CTNNA3: variants seen among roughly 807,000 people sequenced by gnomAD.
CTNNA3 encodes the protein catenin alpha 3.
Under a neutral mutation model 95.7 loss-of-function variants are expected in CTNNA3, and 76 were observed. The observed-to-expected ratio is 0.79, with a 90% CI of 0.66 to 0.96. The LOEUF (loss-of-function observed/expected upper bound fraction) is 0.96. Ranked by LOEUF, CTNNA3 falls within the 40% of genes least tolerant of loss-of-function variation. The pLI is 0.00. For synonymous variants in CTNNA3, 431 were observed against 374.4 expected (o/e 1.15, Z -1.74); for missense variants, 1,191 against 1,089.8 (o/e 1.09, Z -1.31).
chr10:67,431,193 A>G (rs1341309096), intron 5 of CTNNA3, among the ~76,000 whole-genome samples: 1 of 151,994 alleles, frequency 6.6e-6, no homozygotes, highest in Non-Finnish European at 1.5e-5. Context: ...GATGTCAGCA[A>G]CTGAAGGAAC....
In CTNNA3 at chr10:66,199,780, TATATATATATATATATATATA is replaced by T. The variant is rs1564755712; in HGVS notation, c.1884+80669_1884+80689del. On this transcript the variant is annotated intron_variant, in intron 13 of 17. Coordinates refer to ENST00000433211, the MANE Select transcript of CTNNA3 (RefSeq NM_013266.4). ...CCACGCCTGGCTATATATATATATA[TATATATATATATATATATATA>T]TATATTTTTTTTTTTTTTTTTTTTT... Among the ~76,000 whole-genome samples the T allele has an allele frequency of 3.8e-4, 4 of 10,612 alleles. 1 individual carries two copies. The highest frequency in any genetic ancestry group is 4.3e-4 in the Non-Finnish European group (2 of 4,644). The allele number at this position is 10,612 out of a possible 152,430, so 7.0% of individuals were successfully genotyped here.
intron 10 of CTNNA3, among the ~76,000 whole-genome samples, chr10:66,533,955 A>C (rs988723560): frequency 2.0e-5 from 3 of 152,132 alleles, no homozygotes; most frequent in Non-Finnish European, 4.4e-5. Flanking sequence ...TATTTTATTT[A>C]TAACTCTGCA....
chr10:66,778,208 T>C (rs1840390142), intron 7 of CTNNA3, among the ~76,000 whole-genome samples: 2 of 152,196 alleles, frequency 1.3e-5, no homozygotes, highest in African/African-American at 4.8e-5. Context: ...CGGCTTTTTA[T>C]TGGATCCTTG....
chr10:67,531,629 T>C (rs916793212), intron 4 of CTNNA3, among the ~76,000 whole-genome samples: 5 of 152,180 alleles, frequency 3.3e-5, no homozygotes, highest in African/African-American at 9.7e-5. Flanking sequence ...TTAGATGAGA[T>C]GTTGAACTGT....
intron 1 of CTNNA3, among the ~76,000 whole-genome samples, chr10:67,711,538 G>C (rs1841108513): frequency 6.6e-6 from 1 of 152,044 alleles, no homozygotes; most frequent in Admixed American, 6.6e-5. Flanking sequence ...TTGAACTTGA[G>C]AGAGATGATT....
chr10:67,219,844 A>C lies in CTNNA3; in HGVS notation c.606T>G (p.Asp202Glu). The C allele has an allele frequency of 6.2e-7, 1 of 1,612,518 alleles. No homozygotes were observed. Among genetic ancestry groups the C allele is most frequent in the South Asian group, 1.1e-5 (1 of 90,808 alleles). The change falls in exon 6 of 18, where the codon GAT becomes GAG. Residue 202 changes from aspartate (D) to glutamate (E), a missense_variant. Coordinates refer to ENST00000433211, the MANE Select transcript of CTNNA3 (RefSeq NM_013266.4). ...GTGAAGCTCGGGCTCCTGCAATTTCATCTCTCTGATTTGGAGATTTTAAGT... is the reference window on the plus strand; with the variant it reads ...GTGAAGCTCGGGCTCCTGCAATTTCCTCTCTCTGATTTGGAGATTTTAAGT... ...QQDLKSPNQR[D>E]EIAGARASLK...
At chr10:66,910,126 T>A (rs1211448587) in intron 7 of CTNNA3, among the ~76,000 whole-genome samples, 1 of 152,100 alleles carries the variant, frequency 6.6e-6, no homozygotes, top group Non-Finnish European at 1.5e-5. Flanking sequence ...TTTCACCAGA[T>A]AAAAACTAAA....
intron 12 of CTNNA3, among the ~76,000 whole-genome samples, chr10:66,307,530 T>C (rs1246804165): frequency 6.6e-6 from 1 of 152,200 alleles, no homozygotes; most frequent in Non-Finnish European, 1.5e-5. Context: ...CTTCTAATTA[T>C]TCAGAGAGAT....
chr10:66,798,498 G>A, intron 7 of CTNNA3, among the ~76,000 whole-genome samples: 1 of 151,550 alleles, frequency 6.6e-6, no homozygotes, highest in Non-Finnish European at 1.5e-5. Flanking sequence ...GGAAACTCTG[G>A]AGTTTATTGC....
chr10:66,677,412 T>A (rs1179451919), intron 9 of CTNNA3, among the ~76,000 whole-genome samples: 1 of 151,760 alleles, frequency 6.6e-6, no homozygotes, highest in Non-Finnish European at 1.5e-5. Flanking sequence ...ACTTTTTTTT[T>A]AATCAGACTC....
At chr10:66,145,556 A>G (rs886567921) in intron 13 of CTNNA3, among the ~76,000 whole-genome samples, 27 of 152,172 alleles carry the variant, frequency 1.8e-4, no homozygotes, top group Non-Finnish European at 2.9e-4. Flanking sequence ...ACTATGTAAA[A>G]ATAGGTCCTT....
At chr10:67,197,363 C>T (rs533075128) in intron 6 of CTNNA3, among the ~76,000 whole-genome samples, 6 of 152,008 alleles carry the variant, frequency 3.9e-5, no homozygotes, top group Non-Finnish European at 8.8e-5. Context: ...TTCTACCTTT[C>T]ACTTCTGTCT....
chr10:66,359,637 T>C (rs1341886921), intron 12 of CTNNA3, among the ~76,000 whole-genome samples: 1 of 152,156 alleles, frequency 6.6e-6, no homozygotes, highest in African/African-American at 2.4e-5. Context: ...TGTTCTGTTT[T>C]GCATTAAAGG....
chr10:66,140,471 G>A (rs774042013), intron 13 of CTNNA3, among the ~76,000 whole-genome samples: 3 of 152,126 alleles, frequency 2.0e-5, no homozygotes, highest in Non-Finnish European at 4.4e-5. Flanking sequence ...CAATTAACCT[G>A]AAGAACAGAG....
chr10:67,289,293 GAA>G (rs932231741), intron 5 of CTNNA3, among the ~76,000 whole-genome samples: 53 of 152,238 alleles, frequency 3.5e-4, no homozygotes, highest in African/African-American at 1.2e-3. Context: ...AGAGAGGAGA[GAA>G]AGAAAGCACC....
At chr10:67,206,988 G>T (rs1305888152) in intron 6 of CTNNA3, among the ~76,000 whole-genome samples, 4 of 149,946 alleles carry the variant, frequency 2.7e-5, no homozygotes, top group Non-Finnish European at 4.4e-5. Flanking sequence ...AAAATTAGCT[G>T]GGCGTGGTGG....
At chr10:66,026,531 C>T (rs1042356607) in intron 15 of CTNNA3, among the ~76,000 whole-genome samples, 1 of 152,106 alleles carries the variant, frequency 6.6e-6, no homozygotes. Context: ...CCAAAAATGA[C>T]TTCAAATGAC....
At chr10:66,772,192 G>A (rs1236517019) in intron 8 of CTNNA3, among the ~76,000 whole-genome samples, 3 of 152,068 alleles carry the variant, frequency 2.0e-5, no homozygotes, top group Non-Finnish European at 4.4e-5. Flanking sequence ...TTGGGAGGCC[G>A]AGGTGGGCAG....
At chr10:67,087,779 C>T (rs1208458057) in intron 7 of CTNNA3, among the ~76,000 whole-genome samples, 1 of 151,790 alleles carries the variant, frequency 6.6e-6, no homozygotes, top group Non-Finnish European at 1.5e-5. Context: ...GCCCAGTCAC[C>T]GGGGGATGGA....
Sources: gnomAD v4.1 joint callset for allele counts (sites outside exome capture counted in the v4.1 genomes callset) on GRCh38, gnomAD v4.1.1 for gene constraint, MANE v1.5 for transcripts, NCBI Gene and HGNC (gene_info 2026-07-23, HGNC 2026-07-21) for gene names.